IL18RAP: variants seen among roughly 807,000 people sequenced by gnomAD.
The protein encoded by IL18RAP is interleukin 18 receptor accessory protein.
In IL18RAP, 37 loss-of-function variants were observed where a neutral mutation model predicts 58.1. The observed-to-expected ratio is 0.64, with a 90% CI of 0.49 to 0.84. The LOEUF (loss-of-function observed/expected upper bound fraction) is 0.84. IL18RAP is among the 40% of genes least tolerant of loss of function. The probability of loss-of-function intolerance (pLI) is 0.00; values close to 1 mark genes in which losing one functional copy is unlikely to be tolerated. For missense variants in IL18RAP, 667 were observed against 704.8 expected, an observed-to-expected ratio of 0.95 and a Z score of 0.61; for synonymous variants, 268 against 257.5, an observed-to-expected ratio of 1.04 and a Z score of -0.39.
At chr2:102,427,206 G>A (rs1682004416) in intron 3 of IL18RAP, among the ~76,000 whole-genome samples, 1 of 152,122 alleles carries the variant, frequency 6.6e-6, no homozygotes, top group Non-Finnish European at 1.5e-5. Context: ...TAGTGCTGCA[G>A]TAAGCATAGG....
chr2:102,451,853 T>A lies in IL18RAP; in HGVS notation c.1472T>A (p.Ile491Asn). 6.2e-7 allele frequency: 1 copy of A among 1,614,114 alleles called. No individual in the cohort carries two copies. The highest frequency in any genetic ancestry group is 8.5e-7 in the Non-Finnish European group (1 of 1,179,952). ...CCCAACTATGTCAATGGACCCAGTA[T>A]CTTTGAACTACAAGCAGCAGTGAAT... ...LSPNYVNGPSIFELQAAVNLA... is the reference protein window; with the variant it reads ...LSPNYVNGPSNFELQAAVNLA... The change falls in exon 10 of 10, where the codon ATC becomes AAC. Residue 491 changes from isoleucine (I) to asparagine (N), a missense_variant. Ile to Asn is a moderately radical substitution (Grantham distance 149). Transcript: ENST00000687160.
In IL18RAP at chr2:102,424,382, G is replaced by T. The variant is rs1281063583; in HGVS notation, c.547G>T (p.Asp183Tyr). The part of the protein sequence containing the change: ...ISCPSLSCQS[D>Y]AQSPAVTWYK... The stretch of plus-strand genomic sequence containing the variant: ...TTGCCCCAGTCTCAGCTGCCAAAGT[G>T]ATGCACAAAGTCCAGCGGTAACCTG... The change falls in exon 3 of 10, where the codon GAT becomes TAT. Residue 183 changes from aspartate to tyrosine, a missense_variant. Asp to Tyr is a radical substitution (Grantham distance 160). Coordinates refer to ENST00000687160, the MANE Select transcript of IL18RAP (RefSeq NM_001393487.1). 9 of 1,613,908 alleles carry T rather than the reference G, an allele frequency of 5.6e-6. No homozygotes were observed. The highest frequency in any genetic ancestry group is 7.6e-6 in the Non-Finnish European group (9 of 1,179,936).
At chr2:102,422,286 G>A (rs1328004402), upstream of IL18RAP, among the ~76,000 whole-genome samples, 1 of 152,188 alleles carries the variant, frequency 6.6e-6, no homozygotes, top group Non-Finnish European at 1.5e-5. Context: ...GGATTGCCAA[G>A]GTGGTCTCTC....
At chr2:102,436,352 A>G (rs887971491) in intron 3 of IL18RAP, among the ~76,000 whole-genome samples, 1 of 152,048 alleles carries the variant, frequency 6.6e-6, no homozygotes, top group Non-Finnish European at 1.5e-5. Context: ...ATGTTTTAAA[A>G]CTTCCTTTTG....
At chr2:102,438,271 G>A (rs1434377948) in intron 4 of IL18RAP, among the ~76,000 whole-genome samples, 1 of 152,158 alleles carries the variant, frequency 6.6e-6, no homozygotes, top group Non-Finnish European at 1.5e-5. Context: ...ACATAAGACA[G>A]CCAGTCACTC....
In IL18RAP at chr2:102,423,791, T is replaced by TG; in HGVS notation, c.71-20_71-19insG. The stretch of plus-strand genomic sequence containing the variant: ...ATTTTCTAATGTGTTTCCATGTGCT[T>TG]TGTTTATTATGATTTTCAGGTTGTT... On this transcript the variant is annotated intron_variant, in intron 1 of 9. Transcript: ENST00000687160. The TG allele has an allele frequency of 6.4e-7, 1 of 1,568,572 alleles. No individual in the cohort carries two copies. The highest frequency in any genetic ancestry group is 8.8e-7 in the Non-Finnish European group (1 of 1,141,574).
chr2:102,446,004 C>A (rs970760066), intron 7 of IL18RAP, among the ~76,000 whole-genome samples: 1 of 152,178 alleles, frequency 6.6e-6, no homozygotes, highest in Admixed American at 6.5e-5. Context: ...CTGTAGTAAA[C>A]GCTCTGTGAA....
intron 3 of IL18RAP, 47 bp from the exon 4 acceptor site, chr2:102,437,165 A>G: frequency 1.9e-6 from 3 of 1,562,978 alleles, no homozygotes; most frequent in Admixed American, 3.8e-5. Flanking sequence ...TATTTCATAA[A>G]GTTTTTCTGT....
At position 102,452,125 on chromosome 2, in the gene IL18RAP, A is replaced by G. The variant is rs533369704; in HGVS notation, c.1744A>G (p.Lys582Glu). The change falls in exon 10 of 10, where the codon AAA becomes GAA. Residue 582 changes from lysine to glutamate, a missense_variant. Coordinates refer to ENST00000687160, the MANE Select transcript of IL18RAP (RefSeq NM_001393487.1). The part of the protein sequence containing the change: ...LRITSRIFQW[K>E]GLSRTETTGR... ...AATTACCTCTAGGATTTTTCAGTGG[A>G]AAGGACTCAGTAGAACAGAAACCAC... 80 of 1,614,110 alleles carry G rather than the reference A, an allele frequency of 5.0e-5. No individual in the cohort carries two copies. In the South Asian group the frequency reaches 8.1e-4, roughly 16 times the overall value.
intron 3 of IL18RAP, among the ~76,000 whole-genome samples, chr2:102,432,768 G>T (rs773462776): frequency 3.9e-5 from 6 of 152,126 alleles, no homozygotes; most frequent in Non-Finnish European, 7.3e-5. Context: ...AGCCTGGCTG[G>T]GTCACCATGC....
chr2:102,432,415 C>T (rs1682434495), intron 3 of IL18RAP: 1 of 154,304 alleles, frequency 6.5e-6, no homozygotes. Context: ...GAAGGAATTG[C>T]TTAATTAACT....
chr2:102,443,679 C>T (rs1283047614), intron 6 of IL18RAP, among the ~76,000 whole-genome samples: 2 of 152,056 alleles, frequency 1.3e-5, no homozygotes, highest in African/African-American at 4.8e-5. Context: ...TGTGGGGGTA[C>T]AGGGATCCAG....
chr2:102,431,442 T>C (rs1286655860), intron 3 of IL18RAP, among the ~76,000 whole-genome samples: 2 of 152,258 alleles, frequency 1.3e-5, no homozygotes, highest in African/African-American at 4.8e-5. Context: ...CTGAGTTTCC[T>C]ATGCATGAAT....
chr2:102,436,415 C>T (rs1682742459), intron 3 of IL18RAP, among the ~76,000 whole-genome samples: 1 of 152,276 alleles, frequency 6.6e-6, no homozygotes, highest in African/African-American at 2.4e-5. Flanking sequence ...TTGTATACCA[C>T]TACCTCTTTG....
At chr2:102,425,845 C>T (rs1033966752) in intron 3 of IL18RAP, among the ~76,000 whole-genome samples, 1 of 152,118 alleles carries the variant, frequency 6.6e-6, no homozygotes, top group African/African-American at 2.4e-5. Context: ...GCAAATATTG[C>T]TTTTATAAAC....
chr2:102,449,660 T>C (rs1683644546), intron 8 of IL18RAP, among the ~76,000 whole-genome samples: 1 of 152,190 alleles, frequency 6.6e-6, no homozygotes, highest in Non-Finnish European at 1.5e-5. Flanking sequence ...TGTAGAATGT[T>C]AGAATTCTGG....
rs752384885 is a variant in IL18RAP, at chr2:102,451,020, A to T, written c.1383A>T (p.Gly461=). The T allele has an allele frequency of 2.2e-5, 35 of 1,585,168 alleles. No individual in the cohort carries two copies. Among genetic ancestry groups the T allele is most frequent in the Admixed American group, 1.1e-4 (6 of 54,436 alleles). The part of the protein sequence containing the change: ...CLLERDVAPG[G]VYAEDIVSII... ...TTGAAAGAGATGTGGCTCCAGGAGG[A>T]GGTAAGTCCAACATGTCAAGAAAAA... Residue 461 remains glycine, a splice_region_variant and synonymous_variant, in exon 9 of 10, where the codon GGA becomes GGT. Transcript: ENST00000687160.
In IL18RAP at chr2:102,437,293, T is replaced by G. The variant is rs959868739; in HGVS notation, c.661T>G (p.Cys221Gly). Reference sequence around the variant, plus strand: ...TGACTATCACCAGGGCACATATGTATGTGATTACACTCAGTCGGATACTGT... The same window carrying G: ...TGACTATCACCAGGGCACATATGTAGGTGATTACACTCAGTCGGATACTGT... ...VYDYHQGTYV[C>G]DYTQSDTVSS... The change falls in exon 4 of 10, where the codon TGT (cysteine) becomes GGT (glycine). Residue 221 changes from cysteine to glycine, a missense_variant. By Grantham distance (159) the Cys-to-Gly change is radical. Transcript: ENST00000687160. 2 of 1,613,806 alleles carry G rather than the reference T, an allele frequency of 1.2e-6. No homozygotes were observed. Among genetic ancestry groups the G allele is most frequent in the Non-Finnish European group, 1.7e-6 (2 of 1,179,864 alleles).
chr2:102,451,310 C>T (rs890946631), intron 9 of IL18RAP, among the ~76,000 whole-genome samples: 1 of 152,224 alleles, frequency 6.6e-6, no homozygotes, highest in Admixed American at 6.5e-5. Context: ...TACTCGCTCA[C>T]CCCAATTTAG....
Sources: allele counts gnomAD v4.1 joint callset (sites outside exome capture counted in the v4.1 genomes callset), GRCh38; gene constraint gnomAD v4.1.1; transcripts MANE v1.5; gene names NCBI Gene and HGNC (gene_info 2026-07-23, HGNC 2026-07-21).